The following GPC5 variants were observed in gnomAD, a reference collection of about 807,000 sequenced individuals.
GPC5 encodes glypican-5.
A neutral mutation model predicts 53.9 loss-of-function variants in GPC5; 47 were observed. That is an observed-to-expected ratio of 0.87 (90% CI 0.69 to 1.11). The LOEUF (loss-of-function observed/expected upper bound fraction) is 1.11, where lower values mean the gene tolerates loss of function less well. Among genes scored for constraint, GPC5 ranks in the 50% most tolerant of loss-of-function variants. GPC5 has a pLI of 0.00. For synonymous variants in GPC5, 286 were observed against 263.3 expected (o/e 1.09, Z -0.84); for missense variants, 748 against 713.1 (o/e 1.05, Z -0.56).
intron 5 of GPC5, among the ~76,000 whole-genome samples, 185 bp from the exon 6 acceptor site, chr13:91,907,752 A>G (rs1305126961): frequency 6.6e-6 from 1 of 151,910 alleles, no homozygotes. Context: ...ATCTAATGGC[A>G]CGATAAGCAT....
At chr13:91,713,145 C>T (rs1288437580) in intron 3 of GPC5, among the ~76,000 whole-genome samples, 1 of 152,102 alleles carries the variant, frequency 6.6e-6, no homozygotes, top group Non-Finnish European at 1.5e-5. Context: ...GAGCTGACAT[C>T]GTGCCACTGC....
intron 7 of GPC5, among the ~76,000 whole-genome samples, chr13:92,633,587 G>C (rs1293611412): frequency 6.6e-6 from 1 of 151,856 alleles, no homozygotes; most frequent in Non-Finnish European, 1.5e-5. Flanking sequence ...ATATCTTTCT[G>C]TATATTAATT....
intron 6 of GPC5, among the ~76,000 whole-genome samples, chr13:92,069,691 C>T (rs774705415): frequency 2.4e-4 from 36 of 152,056 alleles, no homozygotes; most frequent in Non-Finnish European, 4.6e-4. Context: ...ATAATAATGG[C>T]TTCATTTACA....
intron 7 of GPC5, among the ~76,000 whole-genome samples, chr13:92,497,809 A>G (rs1354956726): frequency 2.0e-5 from 3 of 151,910 alleles, no homozygotes; most frequent in African/African-American, 4.8e-5. Context: ...GGTCCTTCAC[A>G]TCCCTTGTTA....
intron 7 of GPC5, among the ~76,000 whole-genome samples, chr13:92,289,891 A>G (rs934354263): frequency 2.6e-5 from 4 of 151,760 alleles, no homozygotes; most frequent in Non-Finnish European, 5.9e-5. Context: ...AGTATTTTTC[A>G]AAGAGACCTA....
chr13:92,667,397 A>G (rs1271523850), intron 7 of GPC5, among the ~76,000 whole-genome samples: 1 of 152,186 alleles, frequency 6.6e-6, no homozygotes, highest in Non-Finnish European at 1.5e-5. Flanking sequence ...TCTGATCACC[A>G]AAAAAGAGAG....
chr13:92,142,333 G>A (rs1050237356), intron 6 of GPC5, among the ~76,000 whole-genome samples: 2 of 152,148 alleles, frequency 1.3e-5, no homozygotes, highest in African/African-American at 4.8e-5. Context: ...TGGTAGGCAC[G>A]ACTGACATCA....
intron 6 of GPC5, among the ~76,000 whole-genome samples, chr13:92,005,892 C>T (rs762750612): frequency 6.6e-6 from 1 of 152,100 alleles, no homozygotes; most frequent in African/African-American, 2.4e-5. Context: ...ATTAGTTACT[C>T]ATAGATAGTG....
rs191148701 is a variant in GPC5, at chr13:92,338,166, T to C, written c.1561+193177T>C. ...TTGGCCAAAGACCTCAAAGGACACC[T>C]CATGAAAGATAAACATATAAAATAT... On this transcript the variant is annotated intron_variant, in intron 7 of 7. Coordinates refer to ENST00000377067, the MANE Select transcript of GPC5 (RefSeq NM_004466.6). 1.0e-3 allele frequency among the ~76,000 whole-genome samples: 158 copies of C among 152,120 alleles called. 1 individual carries two copies. The highest frequency in any genetic ancestry group is 3.5e-3 in the African/African-American group (147 of 41,524).
At chr13:91,604,017 A>T (rs2139257474) in intron 2 of GPC5, among the ~76,000 whole-genome samples, 1 of 149,332 alleles carries the variant, frequency 6.7e-6, no homozygotes, top group African/African-American at 2.5e-5. Flanking sequence ...TTAGTTACAT[A>T]TGTATACATG....
intron 6 of GPC5, among the ~76,000 whole-genome samples, chr13:92,084,873 C>G (rs977311212): frequency 1.3e-5 from 2 of 152,116 alleles, no homozygotes; most frequent in African/African-American, 4.8e-5. Flanking sequence ...ACACGTTAGA[C>G]AGGATAATTT....
At chr13:92,786,288 C>T (rs968296793) in intron 7 of GPC5, among the ~76,000 whole-genome samples, 1 of 151,972 alleles carries the variant, frequency 6.6e-6, no homozygotes, top group East Asian at 1.9e-4. Flanking sequence ...AGCGGTTTTG[C>T]GAAGTTCTTA....
At chr13:91,664,855 T>A (rs1297784174) in intron 2 of GPC5, among the ~76,000 whole-genome samples, 1 of 152,240 alleles carries the variant, frequency 6.6e-6, no homozygotes, top group Non-Finnish European at 1.5e-5. Flanking sequence ...TACCTGTGGA[T>A]CCTCTAAGAT....
Position 91,591,149 on chromosome 13 carries a change from C to G in GPC5, c.326-102038C>G, listed in dbSNP as rs533419163. 2.6e-5 allele frequency among the ~76,000 whole-genome samples: 4 copies of G among 152,288 alleles called. No individual in the cohort carries two copies. In the South Asian group the frequency reaches 8.3e-4, roughly 32 times the overall value. On this transcript the variant is annotated intron_variant, in intron 2 of 7. Coordinates refer to ENST00000377067, the MANE Select transcript of GPC5 (RefSeq NM_004466.6). ...TGTTAAAGACACATGTTCTTTCGGT[C>G]AACCTTCTATTCTTCTATTGCATCT...
chr13:91,978,761 TA>T (rs2138712613), intron 6 of GPC5, among the ~76,000 whole-genome samples: 1 of 152,232 alleles, frequency 6.6e-6, no homozygotes, highest in Non-Finnish European at 1.5e-5. Context: ...CATTACTTAA[TA>T]AAAAGATTAT....
intron 7 of GPC5, among the ~76,000 whole-genome samples, chr13:92,518,414 C>A (rs1018262993): frequency 6.6e-6 from 1 of 152,214 alleles, no homozygotes; most frequent in African/African-American, 2.4e-5. Flanking sequence ...CCCCATCAGA[C>A]TAACAGCAGA....
chr13:92,787,667 C>CAAAAAAAAAAAAA (rs71202562), intron 7 of GPC5, among the ~76,000 whole-genome samples: 82 of 56,018 alleles, frequency 1.5e-3, no homozygotes, highest in South Asian at 2.4e-3. Context: ...CTCATAGCTA[C>CAAAAAAAAAAAAA]AAAAAAAAAA....
intron 6 of GPC5, among the ~76,000 whole-genome samples, chr13:92,076,961 C>A (rs1297818566): frequency 6.6e-6 from 1 of 152,178 alleles, no homozygotes; most frequent in African/African-American, 2.4e-5. Flanking sequence ...TTCAGAAGAA[C>A]CTTGGTATCC....
At chr13:91,772,504 G>A (rs1332564176) in intron 5 of GPC5, among the ~76,000 whole-genome samples, 2 of 151,956 alleles carry the variant, frequency 1.3e-5, no homozygotes, top group Non-Finnish European at 2.9e-5. Context: ...GCCATATGTG[G>A]TTTTGATATA....
Sources: gnomAD v4.1 joint callset for allele counts (sites outside exome capture counted in the v4.1 genomes callset) on GRCh38, gnomAD v4.1.1 for gene constraint, MANE v1.5 for transcripts, NCBI Gene and HGNC (gene_info 2026-07-23, HGNC 2026-07-21) for gene names.